CLEC4F: variants seen among roughly 807,000 people sequenced by gnomAD.
The protein encoded by CLEC4F is C-type lectin domain family 4 member F.
Under a neutral mutation model 53.4 loss-of-function variants are expected in CLEC4F, and 45 were observed. The ratio of observed to expected loss-of-function variants is 0.84; its 90% CI spans 0.66 to 1.08. The LOEUF is 1.08. CLEC4F is among the 50% of genes least tolerant of loss of function. CLEC4F has a pLI of 0.00. For synonymous variants in CLEC4F, 245 were observed against 257.5 expected, an observed-to-expected ratio of 0.95 and a Z score of 0.46; for missense variants, 753 against 698.2, an observed-to-expected ratio of 1.08 and a Z score of -0.88.
chr2:70,823,751 A>G (rs1677282989), upstream of CLEC4F, among the ~76,000 whole-genome samples: 3 of 152,318 alleles, frequency 2.0e-5, no homozygotes, highest in South Asian at 6.2e-4. Flanking sequence ...AGAACTGGCC[A>G]GGCACGGTGG....
In CLEC4F at chr2:70,819,810, G is replaced by C; in HGVS notation, c.143C>G (p.Thr48Ser). 6.2e-7 allele frequency: 1 copy of C among 1,607,380 alleles called. No individual in the cohort carries two copies. The highest frequency in any genetic ancestry group is 8.5e-7 in the Non-Finnish European group (1 of 1,177,126). ...VQATPAFMAV[T>S]LVFSLVTLFV... ...GAGAGTCACAAGAGAGAAGACCAAG[G>C]TCACAGCCATAAATGCCGGGGTAGC... The change falls in exon 2 of 7, where the codon ACC becomes AGC. Residue 48 changes from threonine to serine, a missense_variant. Transcript: ENST00000272367.
At chr2:70,812,741 C>T in intron 4 of CLEC4F, 143 bp from the exon 5 acceptor site, 1 of 835,254 alleles carries the variant, frequency 1.2e-6, no homozygotes, top group Non-Finnish European at 1.9e-6. Flanking sequence ...AGGAGAAAGG[C>T]CTGGGGGGCT....
Position 70,820,394 on chromosome 2 carries a change from T to C in CLEC4F, c.61+69A>G, listed in dbSNP as rs1426923418. 4 of 1,418,852 alleles carry C rather than the reference T, an allele frequency of 2.8e-6. No individual in the cohort carries two copies. In the African/African-American group the frequency reaches 5.7e-5, roughly 20 times the overall value. The allele number at this position is 1,418,852 out of a possible 1,614,324, so 87.9% of individuals were successfully genotyped here. Reference sequence around the variant, plus strand: ...AATAAGACAGCAATAAGCTGCCTTATGGCAGAGGGCCAAAGGACAGGCAGG... The same window carrying C: ...AATAAGACAGCAATAAGCTGCCTTACGGCAGAGGGCCAAAGGACAGGCAGG... On this transcript the variant is annotated intron_variant, in intron 1 of 6. Coordinates refer to ENST00000272367, the MANE Select transcript of CLEC4F (RefSeq NM_173535.3).
chr2:70,808,931 A>T lies in CLEC4F; in HGVS notation c.*340T>A. The T allele has an allele frequency of 1.3e-6, 1 of 753,602 alleles. No homozygotes were observed. The highest frequency in any genetic ancestry group is 2.2e-6 in the Non-Finnish European group (1 of 460,674). 46.7% of individuals were successfully genotyped at this position (753,602 alleles called of 1,614,324 possible). The stretch of plus-strand genomic sequence containing the variant: ...AGCCCCTCAGCTCTGGCCTGCCCTC[A>T]GGCCACACCCTGGCCCATGGGCTTC... On this transcript the variant is annotated 3_prime_UTR_variant, in exon 7 of 7. Transcript: ENST00000272367.
intron 5 of CLEC4F, chr2:70,811,036 C>G: frequency 3.2e-6 from 2 of 634,546 alleles, no homozygotes; most frequent in East Asian, 8.1e-5. Context: ...TTCCTTTATG[C>G]TAACCCTGCT....
chr2:70,814,704 C>T (rs1490441301), intron 4 of CLEC4F, among the ~76,000 whole-genome samples: 1 of 152,124 alleles, frequency 6.6e-6, no homozygotes, highest in East Asian at 1.9e-4. Flanking sequence ...TAACAGAGAT[C>T]GTACAGCCCC....
intron 4 of CLEC4F, among the ~76,000 whole-genome samples, chr2:70,814,607 A>C (rs1316129540): frequency 3.3e-5 from 5 of 152,164 alleles, no homozygotes; most frequent in African/African-American, 1.2e-4. Flanking sequence ...TTTTTAATAA[A>C]ATTTATTTTA....
chr2:70,819,520 T>C (rs1380107547), intron 2 of CLEC4F, 76 bp from the exon 3 acceptor site: 16 of 1,380,716 alleles, frequency 1.2e-5, no homozygotes, highest in African/African-American at 2.9e-5. Flanking sequence ...CACACAGAGG[T>C]AGAGTTCCAG....
Position 70,809,082 on chromosome 2 carries a change from G to T in CLEC4F, c.*189C>A. Reference sequence around the variant, plus strand: ...CAGACTGATTCTTTTCCCAAAACCCGAAGACAACAGGGCTTTATACTGTTA... The same window carrying T: ...CAGACTGATTCTTTTCCCAAAACCCTAAGACAACAGGGCTTTATACTGTTA... On this transcript the variant is annotated 3_prime_UTR_variant, in exon 7 of 7. Coordinates refer to ENST00000272367, the MANE Select transcript of CLEC4F (RefSeq NM_173535.3). The T allele has an allele frequency of 6.5e-7, 1 of 1,547,050 alleles. No individual in the cohort carries two copies. The highest frequency in any genetic ancestry group is 8.7e-7 in the Non-Finnish European group (1 of 1,146,912).
intron 5 of CLEC4F, chr2:70,811,309 T>C (rs1676546318): frequency 2.0e-6 from 2 of 1,023,932 alleles, no homozygotes; most frequent in Non-Finnish European, 3.0e-6. Flanking sequence ...TCAAGAATTT[T>C]GTCAATATTG....
chr2:70,813,102 C>G (rs1676653274), intron 4 of CLEC4F, among the ~76,000 whole-genome samples: 1 of 152,236 alleles, frequency 6.6e-6, no homozygotes, highest in South Asian at 2.1e-4. Context: ...AGCCCCAATT[C>G]TGTCAGCTCT....
Position 70,809,067 on chromosome 2 carries a change from C to A in CLEC4F, c.*204G>T. The stretch of plus-strand genomic sequence containing the variant: ...TGTGCCGCCAGTTGTCAGACTGATT[C>A]TTTTCCCAAAACCCGAAGACAACAG... On this transcript the variant is annotated 3_prime_UTR_variant, in exon 7 of 7. Transcript: ENST00000272367. 1.3e-6 allele frequency: 2 copies of A among 1,543,134 alleles called. No individual in the cohort carries two copies. The highest frequency in any genetic ancestry group is 2.4e-5 in the South Asian group (2 of 84,034).
At chr2:70,824,044 AAG>A (rs1553398498), upstream of CLEC4F, among the ~76,000 whole-genome samples, 333 of 131,026 alleles carry the variant, frequency 2.5e-3, 42 homozygotes, top group African/African-American at 3.4e-3. Flanking sequence ...AAAAGAAAGA[AAG>A]AAAGAAAGAA....
intron 2 of CLEC4F, 94 bp from the exon 3 acceptor site, chr2:70,819,538 G>T: frequency 3.3e-6 from 4 of 1,228,348 alleles, no homozygotes; most frequent in Non-Finnish European, 2.4e-6. Flanking sequence ...CAGAACCGGG[G>T]AGATAGCAGC....
intron 4 of CLEC4F, among the ~76,000 whole-genome samples, chr2:70,815,732 T>C (rs1218781983): frequency 6.6e-6 from 1 of 152,210 alleles, no homozygotes; most frequent in Non-Finnish European, 1.5e-5. Flanking sequence ...CACTAGCCCA[T>C]GCCGTCCTTA....
chr2:70,818,428 C>T (rs7419407), intron 3 of CLEC4F, among the ~76,000 whole-genome samples: 140,414 of 152,082 alleles, frequency 0.92, 65,144 homozygotes, highest in Non-Finnish European at 0.97. Context: ...AACTAAAAAC[C>T]GGGCTGGGCA....
chr2:70,815,775 C>T (rs1178017680), intron 4 of CLEC4F, among the ~76,000 whole-genome samples: 3 of 152,154 alleles, frequency 2.0e-5, no homozygotes, highest in African/African-American at 4.8e-5. Flanking sequence ...GTTGGTTTCC[C>T]GTGTTCATTT....
rs1280655018 is a variant in CLEC4F at position 70,812,726 on chromosome 2, G to GT, written c.1388-129_1388-128insA. ...GCCCATGAAATTCTTGATGTGCAGT[G>GT]CTCCAGGAGAAAGGCCTGGGGGGCT... On this transcript the variant is annotated intron_variant, in intron 4 of 6. Coordinates refer to ENST00000272367, the MANE Select transcript of CLEC4F (RefSeq NM_173535.3). 18 of 945,054 alleles carry GT rather than the reference G, an allele frequency of 1.9e-5. No homozygotes were observed. In the East Asian group the frequency reaches 4.1e-4, roughly 22 times the overall value. The allele number at this position is 945,054 out of a possible 1,614,324, so 58.5% of individuals were successfully genotyped here.
intron 4 of CLEC4F, among the ~76,000 whole-genome samples, chr2:70,813,551 CTTT>C (rs375754642): frequency 2.3e-5 from 3 of 132,220 alleles, no homozygotes; most frequent in African/African-American, 8.6e-5. Flanking sequence ...TTCTTTCTTT[CTTT>C]TTTTCTTTCT....
Sources: gnomAD v4.1 joint callset for allele counts (sites outside exome capture counted in the v4.1 genomes callset) on GRCh38, gnomAD v4.1.1 for gene constraint, MANE v1.5 for transcripts, NCBI Gene and HGNC (gene_info 2026-07-23, HGNC 2026-07-21) for gene names.